CDIN1: variants seen among roughly 807,000 people sequenced by gnomAD.
The protein encoded by CDIN1 is CDAN1 interacting nuclease 1.
A neutral mutation model predicts 45.3 loss-of-function variants in CDIN1; 33 were observed. That is an observed-to-expected ratio of 0.73 (90% CI 0.55 to 0.97). The LOEUF (loss-of-function observed/expected upper bound fraction) is 0.97. CDIN1 is among the 50% of genes least tolerant of loss of function. The pLI, the probability that CDIN1 is intolerant of heterozygous loss-of-function variation, is 0.00. For missense variants in CDIN1, 303 were observed against 339.4 expected (o/e 0.89, Z 0.84); for synonymous variants, 118 against 124.4 (o/e 0.95, Z 0.34).
intron 10 of CDIN1, among the ~76,000 whole-genome samples, chr15:36,730,947 C>A (rs376215962): frequency 1.3e-5 from 2 of 151,970 alleles, no homozygotes; most frequent in Admixed American, 1.3e-4. Flanking sequence ...AGAAAACAAA[C>A]GCCTGGCAAC....
chr15:36,661,304 C>A (rs2041002920), intron 5 of CDIN1, among the ~76,000 whole-genome samples: 2 of 152,150 alleles, frequency 1.3e-5, no homozygotes, highest in Non-Finnish European at 2.9e-5. Flanking sequence ...ACTCATCATG[C>A]CATCAATCCA....
chr15:36,727,610 TTATC>T (rs1163090341), intron 10 of CDIN1, among the ~76,000 whole-genome samples: 2 of 152,192 alleles, frequency 1.3e-5, no homozygotes, highest in African/African-American at 2.4e-5. Flanking sequence ...AATAATTGAG[TTATC>T]TATCTTTCTA....
intron 10 of CDIN1, among the ~76,000 whole-genome samples, chr15:36,715,662 T>C (rs2043193434): frequency 6.6e-6 from 1 of 152,202 alleles, no homozygotes; most frequent in South Asian, 2.1e-4. Context: ...AAGTGACAGA[T>C]TGACTAATAA....
chr15:36,756,175 A>C, intron 10 of CDIN1: 1 of 455,740 alleles, frequency 2.2e-6, no homozygotes, highest in Middle Eastern at 3.3e-4. Context: ...CCTTAGTTGA[A>C]GAGAACTGTA....
intron 6 of CDIN1, 62 bp downstream of exon 6, chr15:36,691,826 A>T: frequency 4.0e-6 from 5 of 1,256,648 alleles, no homozygotes; most frequent in Non-Finnish European, 5.7e-6. Flanking sequence ...AGAGTAAAGG[A>T]TTTTAAACCT....
intron 1 of CDIN1, among the ~76,000 whole-genome samples, chr15:36,615,049 C>T (rs1455054902): frequency 6.6e-6 from 1 of 152,180 alleles, no homozygotes; most frequent in African/African-American, 2.4e-5. Flanking sequence ...ATCTCATTAC[C>T]CTTTTCTGGG....
At chr15:36,776,438 G>A (rs1566966196) in intron 10 of CDIN1, among the ~76,000 whole-genome samples, 1 of 151,832 alleles carries the variant, frequency 6.6e-6, no homozygotes, top group Non-Finnish European at 1.5e-5. Context: ...AACACTCCCT[G>A]GCCTCTTGAA....
intron 1 of CDIN1, among the ~76,000 whole-genome samples, chr15:36,628,219 T>A (rs553663425): frequency 1.3e-5 from 2 of 152,122 alleles, no homozygotes; most frequent in Admixed American, 6.6e-5. Context: ...GGTCAGTTTT[T>A]CCCCCCTGCC....
chr15:36,600,257 T>C (rs1278578200), intron 1 of CDIN1, among the ~76,000 whole-genome samples: 1 of 152,174 alleles, frequency 6.6e-6, no homozygotes, highest in Non-Finnish European at 1.5e-5. Flanking sequence ...CTTGGAAGTG[T>C]TTAAAAGAAA....
intron 8 of CDIN1, among the ~76,000 whole-genome samples, chr15:36,700,428 C>CATTAAACCTTT (rs2042589531): frequency 6.6e-6 from 1 of 151,988 alleles, no homozygotes; most frequent in East Asian, 1.9e-4. Flanking sequence ...TAGGTTACTT[C>CATTAAACCTTT]CATTAAACCT....
chr15:36,676,059 G>A (rs2041638251), intron 5 of CDIN1, among the ~76,000 whole-genome samples: 3 of 152,102 alleles, frequency 2.0e-5, no homozygotes, highest in African/African-American at 4.8e-5. Flanking sequence ...TTTTTCTCAG[G>A]AGAATTAGAC....
At chr15:36,638,163 G>A (rs1039787746) in intron 1 of CDIN1, among the ~76,000 whole-genome samples, 1 of 152,096 alleles carries the variant, frequency 6.6e-6, no homozygotes, top group Non-Finnish European at 1.5e-5. Context: ...CTTATATAAT[G>A]AAAGCATGTT....
intron 1 of CDIN1, among the ~76,000 whole-genome samples, chr15:36,614,412 T>C (rs1838194716): frequency 6.6e-6 from 1 of 152,218 alleles, no homozygotes; most frequent in Non-Finnish European, 1.5e-5. Context: ...TGAGCACCTT[T>C]GGAAACAACA....
At chr15:36,656,140 A>G (rs1476075710) in intron 4 of CDIN1, among the ~76,000 whole-genome samples, 1 of 152,238 alleles carries the variant, frequency 6.6e-6, no homozygotes, top group African/African-American at 2.4e-5. Context: ...GTACCATATT[A>G]TAGCTTCTAA....
chr15:36,784,269 C>T (rs16964046), intron 10 of CDIN1, among the ~76,000 whole-genome samples: 26,597 of 152,052 alleles, frequency 0.17, 4,295 homozygotes, highest in African/African-American at 0.43. Flanking sequence ...GGCACTTTAG[C>T]AGGGGCTCAG....
intron 1 of CDIN1, among the ~76,000 whole-genome samples, chr15:36,589,956 T>C (rs1667264932): frequency 6.6e-6 from 1 of 152,174 alleles, no homozygotes; most frequent in Middle Eastern, 3.2e-3. Context: ...CTAGCCACTT[T>C]GGGGAACTAA....
intron 1 of CDIN1, among the ~76,000 whole-genome samples, chr15:36,606,738 ATT>A (rs1398093580): frequency 2.6e-5 from 4 of 152,186 alleles, no homozygotes; most frequent in Non-Finnish European, 5.9e-5. Context: ...TTTCTGTTAA[ATT>A]AAAATCCTCT....
At chr15:36,640,298 A>C (rs2040056454) in intron 1 of CDIN1, among the ~76,000 whole-genome samples, 1 of 152,096 alleles carries the variant, frequency 6.6e-6, no homozygotes, top group African/African-American at 2.4e-5. Context: ...TTTATAGAAA[A>C]TACGCCTTGA....
At chr15:36,743,269 A>G (rs1027143220) in intron 10 of CDIN1, among the ~76,000 whole-genome samples, 11 of 152,172 alleles carry the variant, frequency 7.2e-5, no homozygotes, top group African/African-American at 2.7e-4. Flanking sequence ...TGGGGAATAG[A>G]TTGGAAAGGA....
Sources: allele counts gnomAD v4.1 joint callset (sites outside exome capture counted in the v4.1 genomes callset), GRCh38; gene constraint gnomAD v4.1.1; transcripts MANE v1.5; gene names NCBI Gene and HGNC (gene_info 2026-07-23, HGNC 2026-07-21).